ZNF347: variants seen among roughly 807,000 people sequenced by gnomAD.
ZNF347 encodes CTD-2620I22.7.
Under a neutral mutation model 12.9 loss-of-function variants are expected in ZNF347, and 19 were observed. The observed-to-expected ratio is 1.47, with a 90% CI of 1.03 to 2.16. The LOEUF (loss-of-function observed/expected upper bound fraction) is 2.16, where lower values mean the gene tolerates loss of function less well. Ranked by LOEUF, ZNF347 falls within the 30% of genes most tolerant of loss-of-function variation. ZNF347 has a pLI of 0.00. For missense variants in ZNF347, 1,005 were observed against 990.6 expected, an observed-to-expected ratio of 1.01 and a Z score of -0.19; for synonymous variants, 328 against 340.6, an observed-to-expected ratio of 0.96 and a Z score of 0.41.
intron 4 of ZNF347, among the ~76,000 whole-genome samples, chr19:53,144,837 C>A (rs895420048): frequency 1.3e-5 from 2 of 152,118 alleles, no homozygotes; most frequent in Non-Finnish European, 2.9e-5. Context: ...TTGCAAAATA[C>A]ATATTCTTCT....
chr19:53,148,756 G>T lies in ZNF347; in HGVS notation c.196C>A (p.Pro66Thr). Residue 66 changes from proline to threonine, a missense_variant, in exon 4 of 5, where the codon CCT becomes ACT. Transcript: ENST00000334197. ...IISMLEQGKE[P>T]FTLESQVQIA... ...TGTACTTGGCTCTCCAAAGTGAAAG[G>T]CTCCTTCCCTTGCTCCAACATAGAG... The T allele has an allele frequency of 6.2e-7, 1 of 1,613,710 alleles. No individual in the cohort carries two copies. The highest frequency in any genetic ancestry group is 8.5e-7 in the Non-Finnish European group (1 of 1,179,688).
intron 2 of ZNF347, among the ~76,000 whole-genome samples, chr19:53,153,040 C>T (rs1568643608): frequency 6.6e-6 from 1 of 152,234 alleles, no homozygotes; most frequent in Non-Finnish European, 1.5e-5. Context: ...ACCACTCTCA[C>T]CTAGCACCAG....
In ZNF347 at chr19:53,138,458, AG is replaced by A. The variant is rs1333834565; in HGVS notation, c.*1849del. On this transcript the variant is annotated 3_prime_UTR_variant, in exon 5 of 5. Transcript: ENST00000334197. ...TTGTATTTTCACTTCATGTAAATAAAGATGCATGCCATAGTTATTTAGCACA... is the reference window on the plus strand; with the variant it reads ...TTGTATTTTCACTTCATGTAAATAAAATGCATGCCATAGTTATTTAGCACA... The A allele has an allele frequency of 6.6e-6, 1 of 152,190 alleles. No individual in the cohort carries two copies. The highest frequency in any genetic ancestry group is 1.5e-5 in the Non-Finnish European group (1 of 68,046). The allele number at this position is 152,190 out of a possible 1,614,324, so 9.4% of individuals were successfully genotyped here.
At position 53,142,451 on chromosome 19, in the gene ZNF347, A is replaced by G. The variant is rs2090435656; in HGVS notation, c.377T>C (p.Ile126Thr). 1 of 1,613,992 alleles carries G rather than the reference A, an allele frequency of 6.2e-7. No homozygotes were observed. Among genetic ancestry groups the G allele is most frequent in the East Asian group, 2.2e-5 (1 of 44,864 alleles). Residue 126 changes from isoleucine to threonine, a missense_variant, in exon 5 of 5, where the codon ATT (isoleucine) becomes ACT (threonine). Transcript: ENST00000334197. ...VMLERQESQD[I>T]EGCSFREVQK... ...GACTTCCCTGAAGGAACATCCTTCA[A>G]TGTCTTGGCTTTCCTGTCTTTCCAA...
chr19:53,152,861 C>T (rs2090507827), intron 2 of ZNF347, among the ~76,000 whole-genome samples: 2 of 151,576 alleles, frequency 1.3e-5, no homozygotes, highest in Non-Finnish European at 2.9e-5. Flanking sequence ...AAGCAGGAGG[C>T]GGAGCTTGCA....
Position 53,140,621 on chromosome 19 carries a change from G to A in ZNF347, c.2207C>T (p.Pro736Leu), listed in dbSNP as rs1267111932. The A allele has an allele frequency of 3.1e-6, 5 of 1,613,680 alleles. No individual in the cohort carries two copies. The highest frequency in any genetic ancestry group is 4.5e-5 in the East Asian group (2 of 44,852). Reference sequence around the variant, plus strand: ...CTTCCCACACTCATTGCATTTGTAAGGTTTTTTTCCAGTATGGATTGCCTG... The same window carrying A: ...CTTCCCACACTCATTGCATTTGTAAAGTTTTTTTCCAGTATGGATTGCCTG... The part of the protein sequence containing the change: ...THQAIHTGKK[P>L]YKCNECGKVF... The change falls in exon 5 of 5, where the codon CCT becomes CTT. Residue 736 changes from proline (P) to leucine (L), a missense_variant. Physicochemically the swap from Pro to Leu is moderately conservative, Grantham distance 98. Coordinates refer to ENST00000334197, the MANE Select transcript of ZNF347 (RefSeq NM_032584.3).
chr19:53,142,565 T>G lies in ZNF347; in HGVS notation c.272-9A>C, dbSNP rs950603374. The G allele has an allele frequency of 2.6e-6, 4 of 1,547,270 alleles. No individual in the cohort carries two copies. Among genetic ancestry groups the G allele is most frequent in the Non-Finnish European group, 3.5e-6 (4 of 1,149,576 alleles). On this transcript the variant is annotated splice_polypyrimidine_tract_variant and intron_variant, in intron 4 of 4. Transcript: ENST00000334197. ...AAATTCGGAAGAGAGAGCTACAAGA[T>G]ATAAAGATCCATAGGTTTCCAATTA...
rs375080195 is a variant in ZNF347, at chr19:53,140,296, G to T, written c.*12C>A. The T allele has an allele frequency of 1.3e-6, 2 of 1,526,330 alleles. No homozygotes were observed. The highest frequency in any genetic ancestry group is 1.8e-6 in the Non-Finnish European group (2 of 1,139,896). 94.5% of individuals were successfully genotyped at this position (1,526,330 alleles called of 1,614,324 possible). ...CAAAAGTTACCACCTTCATTTGTAAGGTTTCTCTCCACTATGAATTCTGTG... is the reference window on the plus strand; with the variant it reads ...CAAAAGTTACCACCTTCATTTGTAATGTTTCTCTCCACTATGAATTCTGTG... On this transcript the variant is annotated 3_prime_UTR_variant, in exon 5 of 5. Transcript: ENST00000334197.
chr19:53,135,317 T>G lies in ZNF347; in HGVS notation c.*4991A>C, dbSNP rs1320932240. The G allele has an allele frequency of 1.1e-4, 3 of 28,524 alleles. No individual in the cohort carries two copies. In the East Asian group the frequency reaches 5.2e-3, roughly 49 times the overall value. The allele number at this position is 28,524 out of a possible 1,614,324, so 1.8% of individuals were successfully genotyped here. On this transcript the variant is annotated 3_prime_UTR_variant, in exon 5 of 5. Coordinates refer to ENST00000334197, the MANE Select transcript of ZNF347 (RefSeq NM_032584.3). ...TTTTCTAAATATATATATATATATA[T>G]ATATATATATATATATATATATAGA...
chr19:53,148,876 T>C (rs2090480012), intron 3 of ZNF347, 67 bp from the exon 4 acceptor site: 4 of 1,560,672 alleles, frequency 2.6e-6, no homozygotes, highest in Non-Finnish European at 2.6e-6. Flanking sequence ...TATGTTTACA[T>C]GAGGAGGGAG....
rs200778050 is a variant in ZNF347 at position 53,142,059 on chromosome 19, A to T, written c.769T>A (p.Trp257Arg). Residue 257 changes from tryptophan (W) to arginine (R), a missense_variant, in exon 5 of 5, where the codon TGG becomes AGG. By Grantham distance (101) the Trp-to-Arg change is moderately radical. Coordinates refer to ENST00000334197, the MANE Select transcript of ZNF347 (RefSeq NM_032584.3). ...LLTQGQKANN[W>R]GSPYKSNGCG... Reference sequence around the variant, plus strand: ...CCATTAGATTTGTAAGGGCTTCCCCAATTATTTGCTTTTTGCCCCTGTGTG... The same window carrying T: ...CCATTAGATTTGTAAGGGCTTCCCCTATTATTTGCTTTTTGCCCCTGTGTG... The T allele has an allele frequency of 6.2e-7, 1 of 1,613,466 alleles. No individual in the cohort carries two copies. The highest frequency in any genetic ancestry group is 2.2e-5 in the East Asian group (1 of 44,864).
At chr19:53,146,431 T>G (rs559583265) in intron 4 of ZNF347, among the ~76,000 whole-genome samples, 1 of 151,992 alleles carries the variant, frequency 6.6e-6, no homozygotes, top group African/African-American at 2.4e-5. Context: ...CGCACTACCA[T>G]GCTTGGCTAA....
intron 2 of ZNF347, among the ~76,000 whole-genome samples, chr19:53,152,083 A>G (rs1370427678): frequency 1.8e-5 from 2 of 108,652 alleles, no homozygotes; most frequent in African/African-American, 6.8e-5. Flanking sequence ...ACAGAGTGAG[A>G]CTCTGTCTCA....
At position 53,140,249 on chromosome 19, in the gene ZNF347, T is replaced by C; in HGVS notation, c.*59A>G. 1 of 1,454,536 alleles carries C rather than the reference T, an allele frequency of 6.9e-7. No individual in the cohort carries two copies. The highest frequency in any genetic ancestry group is 9.3e-7 in the Non-Finnish European group (1 of 1,078,866). The allele number at this position is 1,454,536 out of a possible 1,614,324, so 90.1% of individuals were successfully genotyped here. ...CTCAGGCATAAATTCTCTGACGTTGTCAAAGGAATGAATTCTAACTGCAAA... is the reference window on the plus strand; with the variant it reads ...CTCAGGCATAAATTCTCTGACGTTGCCAAAGGAATGAATTCTAACTGCAAA... On this transcript the variant is annotated 3_prime_UTR_variant, in exon 5 of 5. Coordinates refer to ENST00000334197, the MANE Select transcript of ZNF347 (RefSeq NM_032584.3).
Position 53,136,055 on chromosome 19 carries a change from T to C in ZNF347, c.*4253A>G, listed in dbSNP as rs192256137. 2 of 152,088 alleles carry C rather than the reference T, an allele frequency of 1.3e-5. No homozygotes were observed. Among genetic ancestry groups the C allele is most frequent in the Non-Finnish European group, 2.9e-5 (2 of 68,008 alleles). The allele number at this position is 152,088 out of a possible 1,614,324, so 9.4% of individuals were successfully genotyped here. A position where few individuals can be genotyped will look rare whatever the true frequency, so the allele number is the denominator to read the frequency against. ...TCTCCTTTGCATAAATGATAATTAA[T>C]ATCTTGGGGACTCTCTTATTAACTG... On this transcript the variant is annotated 3_prime_UTR_variant, in exon 5 of 5. Transcript: ENST00000334197.
At chr19:53,151,320 G>A (rs1960585153) in intron 2 of ZNF347, among the ~76,000 whole-genome samples, 1 of 151,974 alleles carries the variant, frequency 6.6e-6, no homozygotes, top group Non-Finnish European at 1.5e-5. Context: ...CAGATCACGA[G>A]GTCAGGAGAT....
rs2090380386 is a variant in ZNF347, at chr19:53,135,325, T to TAG, written c.*4982_*4983insCT. 8 of 45,912 alleles carry TAG rather than the reference T, an allele frequency of 1.7e-4. No individual in the cohort carries two copies. Among genetic ancestry groups the TAG allele is most frequent in the African/African-American group, 2.2e-4 (3 of 13,840 alleles). The allele number at this position is 45,912 out of a possible 1,614,324, so 2.8% of individuals were successfully genotyped here. A position where few individuals can be genotyped will look rare whatever the true frequency, so the allele number is the denominator to read the frequency against. ...ATATATATATATATATATATATATA[T>TAG]ATATATATATATATAGAGAGAGAGA... On this transcript the variant is annotated 3_prime_UTR_variant, in exon 5 of 5. Transcript: ENST00000334197.
At chr19:53,145,967 G>GA (rs1323796322) in intron 4 of ZNF347, among the ~76,000 whole-genome samples, 2 of 151,468 alleles carry the variant, frequency 1.3e-5, no homozygotes, top group Non-Finnish European at 2.9e-5. Flanking sequence ...TGAAAAGTAG[G>GA]ATTAAAAAAA....
intron 2 of ZNF347, among the ~76,000 whole-genome samples, chr19:53,152,560 T>C (rs972691275): frequency 6.6e-6 from 1 of 151,650 alleles, no homozygotes; most frequent in South Asian, 2.1e-4. Context: ...TGAGCCGAGA[T>C]TGCACCACTC....
Sources: gnomAD v4.1 joint callset for allele counts (sites outside exome capture counted in the v4.1 genomes callset) on GRCh38, gnomAD v4.1.1 for gene constraint, MANE v1.5 for transcripts, NCBI Gene and HGNC (gene_info 2026-07-23, HGNC 2026-07-21) for gene names.